RADIL: variants seen among roughly 807,000 people sequenced by gnomAD.
The protein encoded by RADIL is Rap associating with DIL domain, also known as ras-associating and dilute domain-containing protein.
RADIL carries 99 observed loss-of-function variants against 97.6 expected under a neutral mutation model. That is an observed-to-expected ratio of 1.01 (90% confidence interval 0.86 to 1.20). The LOEUF is 1.20. RADIL is among the 50% of genes most tolerant of loss of function. The pLI is 0.00. For missense variants in RADIL, 1,765 were observed against 1,498.9 expected, an observed-to-expected ratio of 1.18 and a Z score of -2.93; for synonymous variants, 803 against 691.8, an observed-to-expected ratio of 1.16 and a Z score of -2.52.
intron 2 of RADIL, among the ~76,000 whole-genome samples, chr7:4,846,441 G>A (rs566068525): frequency 3.9e-4 from 59 of 150,498 alleles, no homozygotes; most frequent in African/African-American, 9.0e-4. Context: ...CACCGCGCCC[G>A]GCCCTATTGC....
Position 4,805,570 on chromosome 7 carries a change from C to T in RADIL, c.2286G>A (p.Arg762=), listed in dbSNP as rs2115165509. The T allele has an allele frequency of 6.3e-7, 1 of 1,598,886 alleles. No individual in the cohort carries two copies. The highest frequency in any genetic ancestry group is 2.2e-5 in the East Asian group (1 of 44,576). Residue 762 remains arginine, a synonymous_variant, in exon 10 of 15, where the codon AGG becomes AGA. Coordinates refer to ENST00000399583, the MANE Select transcript of RADIL (RefSeq NM_018059.5). ...CTGCCCTGGGGCAGGGCTTACCTGA[C>T]CTGAAGGCCTCGGGGCTGTCCTGGG... ...PGAQDSPEAF[R]SEDVLESYEN... is the part of the protein sequence containing the mutation.
At chr7:4,838,716 G>T (rs965507711) in intron 2 of RADIL, among the ~76,000 whole-genome samples, 8 of 152,252 alleles carry the variant, frequency 5.3e-5, no homozygotes, top group Admixed American at 2.6e-4. Flanking sequence ...GGGGCCGGAG[G>T]TGAGGCCTCT....
chr7:4,881,198 G>A (rs1466796022), intron 1 of RADIL, among the ~76,000 whole-genome samples: 2 of 139,064 alleles, frequency 1.4e-5, no homozygotes, highest in African/African-American at 5.4e-5. Flanking sequence ...GGCAGATCAC[G>A]AGGTCAGCAG....
intron 2 of RADIL, among the ~76,000 whole-genome samples, chr7:4,868,467 G>C (rs1784179768): frequency 6.6e-6 from 1 of 152,200 alleles, no homozygotes; most frequent in African/African-American, 2.4e-5. Flanking sequence ...AGGGTGCAAA[G>C]CCGAAATCTT....
At chr7:4,809,056 C>G (rs964877411) in intron 9 of RADIL, 1 of 956,408 alleles carries the variant, frequency 1.0e-6, no homozygotes, top group Non-Finnish European at 1.2e-6. Flanking sequence ...CCCCCCCGTT[C>G]CAATGCCACT....
rs778221244 is a variant in RADIL, at chr7:4,824,706, G to A, written c.1455-2152C>T. 2.0e-5 allele frequency among the ~76,000 whole-genome samples: 3 copies of A among 152,216 alleles called. No homozygotes were observed. The highest frequency in any genetic ancestry group is 4.4e-5 in the Non-Finnish European group (3 of 68,032). ...AGGTCCGCTGCCTGCTCATGTGTCT[G>A]GCACAGCTCAAAGTCCTGCTCCTTT... On this transcript the variant is annotated intron_variant, in intron 5 of 14. Transcript: ENST00000399583. This position sits in a 1 kb window ranked among gnomAD's most constrained non-coding sequence, Gnocchi z 6.7.
chr7:4,857,937 AACAG>A (rs940823663), intron 2 of RADIL: 7 of 152,638 alleles, frequency 4.6e-5, no homozygotes, highest in African/African-American at 1.7e-4. Context: ...AGCTTGGTAA[AACAG>A]ACACAGTTAC....
intron 2 of RADIL, chr7:4,859,217 A>G (rs894440581): frequency 3.3e-5 from 5 of 152,704 alleles, no homozygotes; most frequent in African/African-American, 1.2e-4. Context: ...AATAGTGAAG[A>G]AACCTCTTCA....
chr7:4,836,417 G>C lies in RADIL; in HGVS notation c.724C>G (p.Arg242Gly). 1 of 1,583,866 alleles carries C rather than the reference G, an allele frequency of 6.3e-7. No individual in the cohort carries two copies. Among genetic ancestry groups the C allele is most frequent in the East Asian group, 2.3e-5 (1 of 43,198 alleles). The change falls in exon 3 of 15, where the codon CGG (arginine) becomes GGG (glycine). Residue 242 changes from arginine (R) to glycine (G), a missense_variant. Coordinates refer to ENST00000399583, the MANE Select transcript of RADIL (RefSeq NM_018059.5). The stretch of plus-strand genomic sequence containing the variant: ...TGCGGGGACTGGTACAGCGAGTACC[G>C]CATGGCGTCGGGGCCGGGCTCCTCG... Reference protein sequence around the residue: ...GPEEPGPDAMRYSLYQSPHLL... With the variant: ...GPEEPGPDAMGYSLYQSPHLL...
At chr7:4,861,275 A>C in intron 2 of RADIL, 1 of 1,614,128 alleles carries the variant, frequency 6.2e-7, no homozygotes, top group Non-Finnish European at 8.5e-7. Context: ...ATCTTCTGGA[A>C]TAGTCTGTAG....
At chr7:4,836,231 C>T (rs1462813302) in intron 3 of RADIL, 127 bp downstream of exon 3, 8 of 1,409,430 alleles carry the variant, frequency 5.7e-6, no homozygotes, top group Non-Finnish European at 7.7e-6. Context: ...TCGGCACAGC[C>T]AGAGGGGCTG....
rs1270612340 is a variant in RADIL at position 4,819,840 on chromosome 7, C to T, written c.1616-2489G>A. Among the ~76,000 whole-genome samples, 1 of 152,224 alleles carries T rather than the reference C, an allele frequency of 6.6e-6. No homozygotes were observed. Among genetic ancestry groups the T allele is most frequent in the Non-Finnish European group, 1.5e-5 (1 of 68,040 alleles). On this transcript the variant is annotated intron_variant, in intron 6 of 14. Transcript: ENST00000399583. The surrounding 1 kb of genome is among the most constrained non-coding windows in gnomAD (Gnocchi z 5.8). ...CCCGGAGCCTGCAGGCATCCCTGGGCCCTGGCTCCCATCGCCGGGCCAAAC... is the reference window on the plus strand; with the variant it reads ...CCCGGAGCCTGCAGGCATCCCTGGGTCCTGGCTCCCATCGCCGGGCCAAAC...
rs778897517 is a variant in RADIL at position 4,799,403 on chromosome 7, ATCT to A, written c.3200_3202del (p.Lys1067del). ...CTAGAGAGGGGGCGTGCGGAAATGG[ATCT>A]TCTTGGCTGTTTCCACGTCGGACTT... On this transcript the variant is annotated inframe_deletion, in exon 15 of 15. Coordinates refer to ENST00000399583, the MANE Select transcript of RADIL (RefSeq NM_018059.5). The A allele has an allele frequency of 9.9e-6, 16 of 1,613,372 alleles. No homozygotes were observed. Among genetic ancestry groups the A allele is most frequent in the African/African-American group, 8.0e-5 (6 of 74,808 alleles).
Position 4,822,310 on chromosome 7 carries a change from C to G in RADIL, c.1615+84G>C. On this transcript the variant is annotated intron_variant, in intron 6 of 14. Transcript: ENST00000399583. The surrounding 1 kb of genome is among the most constrained non-coding windows in gnomAD (Gnocchi z 5.3). The stretch of plus-strand genomic sequence containing the variant: ...AATCCACCCCTGCTATCATGGCCAA[C>G]TAGGTTCCGAGGACGGCGAGGAGAT... 1 of 1,440,608 alleles carries G rather than the reference C, an allele frequency of 6.9e-7. No individual in the cohort carries two copies. The highest frequency in any genetic ancestry group is 9.3e-7 in the Non-Finnish European group (1 of 1,075,848). The allele number at this position is 1,440,608 out of a possible 1,614,324, so 89.2% of individuals were successfully genotyped here.
intron 2 of RADIL, among the ~76,000 whole-genome samples, chr7:4,868,111 G>A (rs1349078475): frequency 1.3e-5 from 2 of 152,070 alleles, no homozygotes; most frequent in Non-Finnish European, 2.9e-5. Context: ...CGCCCAGGCT[G>A]GAGTGCAGTG....
intron 9 of RADIL, among the ~76,000 whole-genome samples, chr7:4,807,681 C>T (rs13309948): frequency 2.3e-5 from 2 of 87,632 alleles, no homozygotes; most frequent in Non-Finnish European, 4.7e-5. Flanking sequence ...TCCTCCCTCT[C>T]CTTCTCTCCA....
At chr7:4,830,255 G>C (rs1047374761) in intron 5 of RADIL, among the ~76,000 whole-genome samples, 1 of 152,214 alleles carries the variant, frequency 6.6e-6, no homozygotes, top group African/African-American at 2.4e-5. Flanking sequence ...CTGCCACCAG[G>C]AGGAGACATG....
Position 4,854,643 on chromosome 7 carries a change from G to C in RADIL, c.536-18038C>G, listed in dbSNP as rs1005744818. ...CGGGAGGCAAAGGTTGCAGTGAGCC[G>C]AGATGGCGCCACCGCACTCCACCCT... On this transcript the variant is annotated intron_variant, in intron 2 of 14. Transcript: ENST00000399583. The surrounding 1 kb of genome is among the most constrained non-coding windows in gnomAD (Gnocchi z 5.1). Among the ~76,000 whole-genome samples the C allele has an allele frequency of 1.3e-5, 2 of 152,202 alleles. No individual in the cohort carries two copies. Among genetic ancestry groups the C allele is most frequent in the African/African-American group, 4.8e-5 (2 of 41,522 alleles).
rs950750620 is a variant in RADIL, at chr7:4,878,865, T to G, written c.-64-662A>C. Among the ~76,000 whole-genome samples, 1 of 152,216 alleles carries G rather than the reference T, an allele frequency of 6.6e-6. No homozygotes were observed. The highest frequency in any genetic ancestry group is 1.5e-5 in the Non-Finnish European group (1 of 68,030). On this transcript the variant is annotated intron_variant, in intron 1 of 14. Coordinates refer to ENST00000399583, the MANE Select transcript of RADIL (RefSeq NM_018059.5). The surrounding 1 kb of genome is among the most constrained non-coding windows in gnomAD (Gnocchi z 4.1). ...GCAGCGGGCAGCCCAAGGGCAAAGC[T>G]TCGCCTCTCCGTAAACCTCGTGTCT...
Sources: gnomAD v4.1 joint callset for allele counts (sites outside exome capture counted in the v4.1 genomes callset) on GRCh38, gnomAD v4.1.1 for gene constraint, Gnocchi (gnomAD v3.1) non-coding constraint, MANE v1.5 for transcripts, NCBI Gene and HGNC (gene_info 2026-07-23, HGNC 2026-07-21) for gene names.